The following PAK1 variants were observed in gnomAD, a reference collection of about 807,000 sequenced individuals.
PAK1 encodes serine/threonine-protein kinase PAK 1.
A neutral mutation model predicts 67.4 loss-of-function variants in PAK1; 29 were observed. The ratio of observed to expected loss-of-function variants is 0.43; its 90% CI spans 0.32 to 0.59. PAK1 has a LOEUF of 0.59. PAK1 is among the 20% of genes least tolerant of loss of function. The pLI is 0.07. For synonymous variants in PAK1, 223 were observed against 237.4 expected (o/e 0.94, Z 0.56); for missense variants, 337 against 670.7 (o/e 0.50, Z 5.50).
chr11:77,488,048 C>T, the PAK1 span, among the ~76,000 whole-genome samples: 1 of 152,218 alleles, frequency 6.6e-6, no homozygotes, highest in African/African-American at 2.4e-5. Flanking sequence ...TATCACTCCT[C>T]TTCCAGCTCC....
chr11:77,475,011 A>AT (rs1958036053), upstream of PAK1: 1 of 152,144 alleles, frequency 6.6e-6, no homozygotes, highest in African/African-American at 2.4e-5. Context: ...CTAAGCCGTA[A>AT]TTTTTCTGTA....
chr11:77,418,546 C>T (rs919161653), intron 1 of PAK1, among the ~76,000 whole-genome samples: 1 of 152,188 alleles, frequency 6.6e-6, no homozygotes, highest in Non-Finnish European at 1.5e-5. Flanking sequence ...ATAAGAATAG[C>T]ATCATGCTAA....
At position 77,352,581 on chromosome 11, in the gene PAK1, T is replaced by A. The variant is rs190880427; in HGVS notation, c.836+955A>T. Among the ~76,000 whole-genome samples the A allele has an allele frequency of 3.3e-3, 495 of 152,294 alleles. 2 individuals are homozygous for A. Among genetic ancestry groups the A allele is most frequent in the Non-Finnish European group, 5.5e-3 (372 of 68,012 alleles). On this transcript the variant is annotated intron_variant, in intron 8 of 14. Transcript: ENST00000356341. Reference sequence around the variant, plus strand: ...AAGTCTACAGTAGCGTACACAGTAATGTCCTAGGCCTCGACATTCACTCAC... The same window carrying A: ...AAGTCTACAGTAGCGTACACAGTAAAGTCCTAGGCCTCGACATTCACTCAC...
intron 1 of PAK1, among the ~76,000 whole-genome samples, chr11:77,400,869 C>T (rs561357617): frequency 1.8e-4 from 28 of 152,246 alleles, no homozygotes; most frequent in African/African-American, 6.7e-4. Context: ...GTGCTGAAGA[C>T]AGAACAGTAA....
chr11:77,359,513 A>G (rs959937859), intron 5 of PAK1, among the ~76,000 whole-genome samples: 5 of 152,066 alleles, frequency 3.3e-5, no homozygotes, highest in African/African-American at 1.2e-4. Context: ...TCTTTGCAAA[A>G]ATCTCCTGAA....
At chr11:77,405,670 G>GACACACACACAC (rs370157407) in intron 1 of PAK1, among the ~76,000 whole-genome samples, 3 of 125,582 alleles carry the variant, frequency 2.4e-5, no homozygotes, top group African/African-American at 9.7e-5. Context: ...CAGACAGACA[G>GACACACACACAC]ACAGACACAC....
chr11:77,381,140 T>A (rs1171784980), intron 2 of PAK1, among the ~76,000 whole-genome samples: 5 of 108,738 alleles, frequency 4.6e-5, no homozygotes, highest in Non-Finnish European at 9.5e-5. Context: ...CACCACAGAG[T>A]GTGTGTGTGT....
intron 1 of PAK1, among the ~76,000 whole-genome samples, chr11:77,409,959 T>C (rs1412885981): frequency 6.6e-6 from 1 of 152,142 alleles, no homozygotes; most frequent in East Asian, 1.9e-4. Context: ...GGAAGATAAT[T>C]AACCTATATA....
chr11:77,496,769 C>T, the PAK1 span, among the ~76,000 whole-genome samples: 2 of 152,016 alleles, frequency 1.3e-5, no homozygotes, highest in Non-Finnish European at 2.9e-5. Context: ...GCTGTCTCTA[C>T]TGAAAATACA....
At chr11:77,525,216 G>A in the PAK1 span, among the ~76,000 whole-genome samples, 2 of 151,708 alleles carry the variant, frequency 1.3e-5, no homozygotes, top group African/African-American at 4.8e-5. Flanking sequence ...GGGTGTGGTG[G>A]TGTGCACCTG....
At chr11:77,490,940 T>G in the PAK1 span, among the ~76,000 whole-genome samples, 489 of 152,190 alleles carry the variant, frequency 3.2e-3, 2 homozygotes, top group African/African-American at 0.011. Context: ...GCGTGCTTGT[T>G]GAGAGTCATC....
At chr11:77,340,849 CA>C in intron 10 of PAK1, 86 bp from the exon 11 acceptor site, 2 of 788,094 alleles carry the variant, frequency 2.5e-6, no homozygotes, top group Non-Finnish European at 4.6e-6. Context: ...AGCATATACA[CA>C]GAGTGAAACT....
intron 12 of PAK1, 45 bp downstream of exon 12, chr11:77,337,279 C>A (rs1226725030): frequency 4.2e-6 from 4 of 958,898 alleles, no homozygotes; most frequent in Admixed American, 2.0e-5. Context: ...GGAGACAGGG[C>A]CCCACAGGCA....
chr11:77,529,992 G>A, the PAK1 span: 2 of 152,192 alleles, frequency 1.3e-5, no homozygotes, highest in Non-Finnish European at 2.9e-5. Context: ...TTGTTCCCCA[G>A]TACATTTTTT....
intron 9 of PAK1, among the ~76,000 whole-genome samples, chr11:77,346,046 T>C (rs1053306932): frequency 2.0e-5 from 3 of 152,206 alleles, no homozygotes; most frequent in African/African-American, 7.2e-5. Context: ...CAATCTCTGC[T>C]CACTGCAACC....
At chr11:77,407,023 G>A (rs1388042575) in intron 1 of PAK1, among the ~76,000 whole-genome samples, 2 of 152,072 alleles carry the variant, frequency 1.3e-5, no homozygotes, top group African/African-American at 2.4e-5. Flanking sequence ...GCTATTACGT[G>A]CCTACTATAT....
chr11:77,322,579 C>A lies in PAK1; in HGVS notation c.*695G>T, dbSNP rs142838171. On this transcript the variant is annotated 3_prime_UTR_variant, in exon 15 of 15. Coordinates refer to ENST00000356341, the MANE Select transcript of PAK1 (RefSeq NM_002576.5). ...TAAACAAGGGACAGGATAGGGGCAG[C>A]AGCCTAGGGTATGCAGGGAATCAAA... 134 of 202,204 alleles carry A rather than the reference C, an allele frequency of 6.6e-4. No individual in the cohort carries two copies. Among genetic ancestry groups the A allele is most frequent in the African/African-American group, 3.0e-3 (128 of 43,150 alleles). The allele number at this position is 202,204 out of a possible 1,614,324, so 12.5% of individuals were successfully genotyped here.
chr11:77,355,696 C>T lies in PAK1; in HGVS notation c.744G>A (p.Met248Ile), dbSNP rs1445967556. The T allele has an allele frequency of 6.2e-7, 1 of 1,613,532 alleles. No homozygotes were observed. The highest frequency in any genetic ancestry group is 1.1e-5 in the South Asian group (1 of 91,054). The change falls in exon 7 of 15, where the codon ATG becomes ATA. Residue 248 changes from methionine to isoleucine, a missense_variant. Transcript: ENST00000356341. ...NTEKQKKKPK[M>I]SDEEILEKLR... ...ATTTCTCCAAGATCTCCTCATCAGA[C>T]ATTTTAGGCTTCTTCTTCTGCTTCT...
At chr11:77,379,503 C>T in intron 3 of PAK1, 115 bp from the exon 4 acceptor site, 1 of 888,374 alleles carries the variant, frequency 1.1e-6, no homozygotes, top group Non-Finnish European at 1.7e-6. Flanking sequence ...ATTAGTCATT[C>T]CTTTCTCTCT....
Sources: allele counts gnomAD v4.1 joint callset (sites outside exome capture counted in the v4.1 genomes callset), GRCh38; gene constraint gnomAD v4.1.1; transcripts MANE v1.5; gene names NCBI Gene and HGNC (gene_info 2026-07-23, HGNC 2026-07-21).